Variants in AIG1 observed in about 807,000 individuals in gnomAD.
AIG1 encodes androgen induced 1.
Under a neutral mutation model 31.4 loss-of-function variants are expected in AIG1, and 23 were observed. The observed-to-expected ratio is 0.73, with a 90% CI of 0.53 to 1.04. The LOEUF (loss-of-function observed/expected upper bound fraction) is 1.04, where lower values mean the gene tolerates loss of function less well. Among genes scored for constraint, AIG1 ranks in the 50% least tolerant of loss-of-function variants. The pLI is 0.00. For synonymous variants in AIG1, 100 were observed against 110.5 expected (o/e 0.90, Z 0.60); for missense variants, 274 against 295.0 (o/e 0.93, Z 0.52).
intron 5 of AIG1, among the ~76,000 whole-genome samples, chr6:143,336,037 C>T (rs1777464418): frequency 1.3e-5 from 2 of 152,008 alleles, no homozygotes; most frequent in South Asian, 4.1e-4. Context: ...CTCACCTGGC[C>T]ACTTTACTCA....
chr6:143,127,195 G>A (rs572277553), intron 1 of AIG1, among the ~76,000 whole-genome samples: 4 of 151,770 alleles, frequency 2.6e-5, no homozygotes, highest in Non-Finnish European at 5.9e-5. Flanking sequence ...TTTAATTAAT[G>A]GTTTTATCCT....
At chr6:143,107,745 C>T (rs1480063522) in intron 1 of AIG1, among the ~76,000 whole-genome samples, 1 of 152,134 alleles carries the variant, frequency 6.6e-6, no homozygotes, top group African/African-American at 2.4e-5. Flanking sequence ...GTTTTCTGGG[C>T]CCTCGAGTTA....
chr6:143,217,482 A>G (rs1374013506), intron 3 of AIG1, among the ~76,000 whole-genome samples: 2 of 152,196 alleles, frequency 1.3e-5, no homozygotes, highest in Non-Finnish European at 2.9e-5. Context: ...TTTAAACATT[A>G]TTTAACAAAC....
chr6:143,325,100 C>A lies in AIG1; in HGVS notation c.516-8182C>A, dbSNP rs1776499467. On this transcript the variant is annotated intron_variant, in intron 4 of 5. Coordinates refer to ENST00000357847, the MANE Select transcript of AIG1 (RefSeq NM_016108.4). The surrounding 1 kb of genome is among the most constrained non-coding windows in gnomAD (Gnocchi z 4.3). ...CCCTTCCACTTTATTGGTGGCAAAC[C>A]AGTTTTCTAATAATTCTCTATGAAG... 6.6e-6 allele frequency among the ~76,000 whole-genome samples: 1 copy of A among 152,160 alleles called. No individual in the cohort carries two copies. The highest frequency in any genetic ancestry group is 1.5e-5 in the Non-Finnish European group (1 of 68,036).
chr6:143,062,271 A>G (rs1776324973), intron 1 of AIG1, among the ~76,000 whole-genome samples: 2 of 152,232 alleles, frequency 1.3e-5, no homozygotes, highest in Admixed American at 1.3e-4. Flanking sequence ...CAAACTGTGC[A>G]CATACCCTTA....
intron 3 of AIG1, among the ~76,000 whole-genome samples, chr6:143,281,760 A>G (rs1797354139): frequency 6.6e-6 from 1 of 152,222 alleles, no homozygotes; most frequent in African/African-American, 2.4e-5. Context: ...GGAGATACAC[A>G]GTCTTTAGTG....
intron 3 of AIG1, among the ~76,000 whole-genome samples, chr6:143,264,767 G>C (rs1420623283): frequency 6.6e-6 from 1 of 152,164 alleles, no homozygotes; most frequent in Non-Finnish European, 1.5e-5. Flanking sequence ...ACAATATTTT[G>C]AAGACCCAAA....
chr6:143,092,236 C>A (rs976746531), intron 1 of AIG1, among the ~76,000 whole-genome samples: 4 of 151,374 alleles, frequency 2.6e-5, no homozygotes, highest in Non-Finnish European at 4.4e-5. Context: ...TCTCATGTAG[C>A]TGGGACTACA....
chr6:143,249,889 G>C (rs531218996), intron 3 of AIG1, among the ~76,000 whole-genome samples: 2 of 152,290 alleles, frequency 1.3e-5, no homozygotes, highest in African/African-American at 4.8e-5. Flanking sequence ...GGTCACCCTA[G>C]GGGCCACTAC....
intron 3 of AIG1, among the ~76,000 whole-genome samples, chr6:143,240,591 A>G (rs964163023): frequency 6.6e-6 from 1 of 152,224 alleles, no homozygotes; most frequent in Non-Finnish European, 1.5e-5. Flanking sequence ...ACCAATGGCT[A>G]GTGGAATTTT....
At chr6:143,295,205 G>A (rs977242505) in intron 4 of AIG1, among the ~76,000 whole-genome samples, 1 of 152,134 alleles carries the variant, frequency 6.6e-6, no homozygotes, top group South Asian at 2.1e-4. Context: ...TGTACCTCCA[G>A]TGTACTTGTA....
chr6:143,100,436 GA>G (rs1780154365), intron 1 of AIG1, among the ~76,000 whole-genome samples: 1 of 151,816 alleles, frequency 6.6e-6, no homozygotes, highest in South Asian at 2.1e-4. Context: ...AAAGAAAGCA[GA>G]AAAAAAGAAG....
Position 143,165,177 on chromosome 6 carries a change from C to T in AIG1, c.393C>T (p.His131=), listed in dbSNP as rs3761998. The stretch of plus-strand genomic sequence containing the variant: ...ATTTTATCCCAGGGTGGCTGAATCA[C>T]GGAATGGTGAGTGGATTAAAACAAA... ...LDNFIPGWLN[H]GMHTTVLPFI... is the part of the protein sequence containing the mutation. Residue 131 remains histidine (H), a synonymous_variant, in exon 3 of 6, where the codon CAC becomes CAT. Coordinates refer to ENST00000357847, the MANE Select transcript of AIG1 (RefSeq NM_016108.4). 1,574 of 1,610,150 alleles carry T rather than the reference C, an allele frequency of 9.8e-4. 21 individuals carry two copies. The East Asian group carries it at 0.029, about 30-fold the overall frequency.
intron 3 of AIG1, among the ~76,000 whole-genome samples, chr6:143,264,566 A>T (rs1436863387): frequency 6.6e-6 from 1 of 152,128 alleles, no homozygotes; most frequent in Non-Finnish European, 1.5e-5. Flanking sequence ...GGGGGACCAG[A>T]TGTCGCCCGA....
Position 143,328,496 on chromosome 6 carries a change from T to G in AIG1, c.516-4786T>G, listed in dbSNP as rs868318203. On this transcript the variant is annotated intron_variant, in intron 4 of 5. Coordinates refer to ENST00000357847, the MANE Select transcript of AIG1 (RefSeq NM_016108.4). This position sits in a 1 kb window ranked among gnomAD's most constrained non-coding sequence, Gnocchi z 4.0. ...AATCCCTGTGTACCCATGGCACGCCTACACTTACCCTTTCTTAATTCTGAC... is the reference window on the plus strand; with the variant it reads ...AATCCCTGTGTACCCATGGCACGCCGACACTTACCCTTTCTTAATTCTGAC... Among the ~76,000 whole-genome samples, 6 of 152,342 alleles carry G rather than the reference T, an allele frequency of 3.9e-5. No individual in the cohort carries two copies. The highest frequency in any genetic ancestry group is 5.9e-5 in the Non-Finnish European group (4 of 68,016).
intron 4 of AIG1, among the ~76,000 whole-genome samples, chr6:143,315,297 A>G (rs529768801): frequency 3.3e-4 from 50 of 152,236 alleles, no homozygotes; most frequent in African/African-American, 1.1e-3. Context: ...AATCCCAGTA[A>G]GTTATTTTGT....
intron 3 of AIG1, among the ~76,000 whole-genome samples, chr6:143,226,985 C>CTTT (rs11431811): frequency 2.5e-4 from 28 of 113,596 alleles, no homozygotes; most frequent in African/African-American, 6.8e-4. Flanking sequence ...GAGTTTTTGT[C>CTTT]TTTTTTTTTT....
In AIG1 at chr6:143,297,997, A is replaced by C. The variant is rs1798555862; in HGVS notation, c.515+13772A>C. ...CTTACATAAATTAAAATGATGCATA[A>C]ATTTACAGGTAAAAATACAAATCAT... On this transcript the variant is annotated intron_variant, in intron 4 of 5. Coordinates refer to ENST00000357847, the MANE Select transcript of AIG1 (RefSeq NM_016108.4). The surrounding 1 kb of genome is among the most constrained non-coding windows in gnomAD (Gnocchi z 5.1). Among the ~76,000 whole-genome samples, 1 of 152,170 alleles carries C rather than the reference A, an allele frequency of 6.6e-6. No individual in the cohort carries two copies. Among genetic ancestry groups the C allele is most frequent in the South Asian group, 2.1e-4 (1 of 4,836 alleles).
At chr6:143,066,104 C>T (rs184950336) in intron 1 of AIG1, among the ~76,000 whole-genome samples, 2 of 152,278 alleles carry the variant, frequency 1.3e-5, no homozygotes, top group East Asian at 3.9e-4. Flanking sequence ...TGTGGCATCT[C>T]CAGCTCCACC....
Sources: gnomAD v4.1 joint callset for allele counts (sites outside exome capture counted in the v4.1 genomes callset) on GRCh38, gnomAD v4.1.1 for gene constraint, Gnocchi (gnomAD v3.1) non-coding constraint, MANE v1.5 for transcripts, NCBI Gene and HGNC (gene_info 2026-07-23, HGNC 2026-07-21) for gene names.